Variants in ALG9 observed in about 807,000 individuals in gnomAD.
ALG9 encodes ALG9 alpha-1,2-mannosyltransferase, also known as alpha-1,2-mannosyltransferase ALG9.
ALG9 carries 55 observed loss-of-function variants against 81.8 expected under a neutral mutation model. The observed-to-expected ratio is 0.67, with a 90% CI of 0.54 to 0.84. The LOEUF is 0.84. ALG9 is among the 40% of genes least tolerant of loss of function. The probability of loss-of-function intolerance (pLI) is 0.00; values close to 1 mark genes in which losing one functional copy is unlikely to be tolerated. For missense variants in ALG9, 629 were observed against 745.0 expected (o/e 0.84, Z 1.81); for synonymous variants, 278 against 274.3 (o/e 1.01, Z -0.13).
At chr11:111,857,909 A>T (rs1385396154) in intron 5 of ALG9, 172 bp from the exon 6 acceptor site, 1 of 778,132 alleles carries the variant, frequency 1.3e-6, no homozygotes, top group African/African-American at 1.8e-5. Context: ...CTTTTTTAAA[A>T]AAATGAAGTT....
chr11:111,786,535 A>AT lies in ALG9; in HGVS notation c.1734-16dup, dbSNP rs372526823. 32 of 1,613,556 alleles carry AT rather than the reference A, an allele frequency of 2.0e-5. 1 individual carries two copies. The highest frequency in any genetic ancestry group is 1.6e-4 in the Middle Eastern group (1 of 6,080). ...GCTTTGAAGATCTGAAAAACAAGGG[A>AT]TAAAAAAAAGAATTTTATCACTTGG... is the stretch of plus-strand genomic sequence containing the variant. On this transcript the variant is annotated splice_polypyrimidine_tract_variant and intron_variant, in intron 14 of 14. Coordinates refer to ENST00000616540, the MANE Select transcript of ALG9 (RefSeq NM_024740.2).
In ALG9 at chr11:111,786,443, A is replaced by G; in HGVS notation, c.1811T>C (p.Leu604Pro). ...QYTVYVNYTI[L>P]KPRKAKQIRK... ...GATTTGCTTTGCTTTCCGGGGTTTG[A>G]GGATGGTGTAGTTTACGTACACTGT... Residue 604 changes from leucine (L) to proline (P), a missense_variant, in exon 15 of 15, where the codon CTC (leucine) becomes CCC (proline). By Grantham distance (98) the Leu-to-Pro change is moderately conservative (BLOSUM62 -3). Coordinates refer to ENST00000616540, the MANE Select transcript of ALG9 (RefSeq NM_024740.2). 6.2e-7 allele frequency: 1 copy of G among 1,614,046 alleles called. No individual in the cohort carries two copies. Among genetic ancestry groups the G allele is most frequent in the Non-Finnish European group, 8.5e-7 (1 of 1,180,012 alleles).
chr11:111,861,239 CA>C (rs1256936859), intron 4 of ALG9, among the ~76,000 whole-genome samples: 50 of 152,276 alleles, frequency 3.3e-4, no homozygotes, highest in Non-Finnish European at 1.3e-4. Flanking sequence ...GTGAACCCCA[CA>C]AATTAAATGT....
chr11:111,844,475 G>C, intron 9 of ALG9, 126 bp downstream of exon 9: 6 of 1,420,972 alleles, frequency 4.2e-6, no homozygotes, highest in Non-Finnish European at 5.9e-6. Context: ...TGAAAATTCA[G>C]TAAGCCAACC....
chr11:111,823,771 A>G (rs1303544954), intron 13 of ALG9, among the ~76,000 whole-genome samples: 1 of 152,208 alleles, frequency 6.6e-6, no homozygotes, highest in Non-Finnish European at 1.5e-5. Flanking sequence ...GATGGTAAAT[A>G]AAGAAAGCTC....
At chr11:111,818,212 G>A (rs1241082487) in intron 13 of ALG9, among the ~76,000 whole-genome samples, 1 of 152,236 alleles carries the variant, frequency 6.6e-6, no homozygotes, top group Non-Finnish European at 1.5e-5. Context: ...GAGGTGGGAA[G>A]AAGCATGGGG....
the ALG9 span, among the ~76,000 whole-genome samples, chr11:111,774,680 C>T: frequency 1.3e-5 from 2 of 152,174 alleles, no homozygotes; most frequent in Admixed American, 6.5e-5. Flanking sequence ...GGACTCACTC[C>T]AGAATACCAC....
intron 10 of ALG9, among the ~76,000 whole-genome samples, chr11:111,839,637 T>C (rs1955911020): frequency 6.6e-6 from 1 of 151,480 alleles, no homozygotes; most frequent in East Asian, 1.9e-4. Flanking sequence ...GTATACTTAT[T>C]ATTACAACTA....
At position 111,861,092 on chromosome 11, in the gene ALG9, T is replaced by G. The variant is rs575314216; in HGVS notation, c.477-457A>C. 5.9e-5 allele frequency among the ~76,000 whole-genome samples: 9 copies of G among 152,340 alleles called. No homozygotes were observed. The East Asian group carries it at 1.7e-3, about 29-fold the overall frequency. ...AAGGAAAAGTGCTTAGGAGAGTGCCTGGCACATAGTTGCTCAATAAATGGT... is the reference window on the plus strand; with the variant it reads ...AAGGAAAAGTGCTTAGGAGAGTGCCGGGCACATAGTTGCTCAATAAATGGT... On this transcript the variant is annotated intron_variant, in intron 4 of 14. Transcript: ENST00000616540.
chr11:111,857,947 G>A (rs559457051), intron 5 of ALG9: 7 of 427,756 alleles, frequency 1.6e-5, no homozygotes, highest in Non-Finnish European at 2.9e-5. Flanking sequence ...CTCACTCCTG[G>A]TTTTTTTTTT....
intron 11 of ALG9, 81 bp downstream of exon 11, chr11:111,838,168 G>GTA (rs1955638178): frequency 6.4e-7 from 1 of 1,552,200 alleles, no homozygotes; most frequent in African/African-American, 1.4e-5. Context: ...AGCCAAATAT[G>GTA]TATTATATAA....
chr11:111,782,875 A>C lies in ALG9; in HGVS notation c.*3522T>G, dbSNP rs1395247290. On this transcript the variant is annotated 3_prime_UTR_variant, in exon 15 of 15. Coordinates refer to ENST00000616540, the MANE Select transcript of ALG9 (RefSeq NM_024740.2). ...AAAGACCCATCATGATTTAAAACAA[A>C]GGGTCTATTTCCAAACTTGAATTCG... The C allele has an allele frequency of 6.6e-6, 1 of 152,254 alleles. No individual in the cohort carries two copies. The highest frequency in any genetic ancestry group is 6.5e-5 in the Admixed American group (1 of 15,290). The allele number at this position is 152,254 out of a possible 1,614,324, so 9.4% of individuals were successfully genotyped here. A position where few individuals can be genotyped will look rare whatever the true frequency, so the allele number is the denominator to read the frequency against.
Position 111,839,588 on chromosome 11 carries a change from C to CA in ALG9, c.1173+1066dup, listed in dbSNP as rs1188488321. Among the ~76,000 whole-genome samples the CA allele has an allele frequency of 3.1e-3, 136 of 43,312 alleles. 4 individuals carry two copies. Among genetic ancestry groups the CA allele is most frequent in the Middle Eastern group, 0.059 (2 of 34 alleles). 28.4% of individuals were successfully genotyped at this position (43,312 alleles called of 152,430 possible). A position where few individuals can be genotyped will look rare whatever the true frequency, so the allele number is the denominator to read the frequency against. ...TGGGCGACAGAGCAAGATTCCGTCTCAAAAAAAAAAAAAGGGGGGGGGGGA... is the reference window on the plus strand; with the variant it reads ...TGGGCGACAGAGCAAGATTCCGTCTCAAAAAAAAAAAAAAGGGGGGGGGGGA... On this transcript the variant is annotated intron_variant, in intron 10 of 14. Transcript: ENST00000616540.
In ALG9 at chr11:111,782,323, C is replaced by A. The variant is rs1047231969; in HGVS notation, c.*4074G>T. 2.0e-5 allele frequency: 3 copies of A among 152,416 alleles called. No individual in the cohort carries two copies. The highest frequency in any genetic ancestry group is 4.8e-5 in the African/African-American group (2 of 41,452). 9.4% of individuals were successfully genotyped at this position (152,416 alleles called of 1,614,324 possible). On this transcript the variant is annotated 3_prime_UTR_variant, in exon 15 of 15. Transcript: ENST00000616540. ...GAATTGGACAATACTCTTGCTTTAA[C>A]ACTTTACTGCTTCCTGATTTCATTT... is the stretch of plus-strand genomic sequence containing the variant.
At chr11:111,773,862 C>T in the ALG9 span, among the ~76,000 whole-genome samples, 3 of 150,374 alleles carry the variant, frequency 2.0e-5, no homozygotes, top group African/African-American at 7.3e-5. Flanking sequence ...TCAGGTGATC[C>T]TCCCACCTTA....
intron 13 of ALG9, among the ~76,000 whole-genome samples, chr11:111,819,011 G>A (rs1472641147): frequency 6.6e-6 from 1 of 152,184 alleles, no homozygotes; most frequent in Non-Finnish European, 1.5e-5. Flanking sequence ...GGACATAGAA[G>A]AATCAAAGAA....
intron 14 of ALG9, among the ~76,000 whole-genome samples, chr11:111,801,248 A>G (rs562338451): frequency 2.4e-4 from 37 of 152,382 alleles, no homozygotes; most frequent in African/African-American, 8.7e-4. Flanking sequence ...GCATCACCTC[A>G]GCTCTGAGGC....
At chr11:111,795,833 T>C (rs1472271295) in intron 14 of ALG9, among the ~76,000 whole-genome samples, 3 of 152,214 alleles carry the variant, frequency 2.0e-5, no homozygotes, top group Non-Finnish European at 2.9e-5. Flanking sequence ...AAAATGCTAT[T>C]AGGCAACTGG....
the ALG9 span, chr11:111,769,598 C>T: frequency 6.8e-6 from 1 of 147,318 alleles, no homozygotes; most frequent in Non-Finnish European, 1.5e-5. Flanking sequence ...GCCTAGGTGA[C>T]AGAGTGAGAC....
Sources: gnomAD v4.1 joint callset for allele counts (sites outside exome capture counted in the v4.1 genomes callset) on GRCh38, gnomAD v4.1.1 for gene constraint, MANE v1.5 for transcripts, NCBI Gene and HGNC (gene_info 2026-07-23, HGNC 2026-07-21) for gene names.